CTDP1: variants seen among roughly 807,000 people sequenced by gnomAD.
The protein encoded by CTDP1 is CTD phosphatase 1.
In CTDP1, 47 loss-of-function variants were observed where a neutral mutation model predicts 91.8. The ratio of observed to expected loss-of-function variants is 0.51; its 90% CI spans 0.41 to 0.65. CTDP1 has a LOEUF of 0.65. Among genes scored for constraint, CTDP1 ranks in the 30% least tolerant of loss-of-function variants. CTDP1 has a pLI of 0.00. For missense variants in CTDP1, 1,272 were observed against 1,373.7 expected (o/e 0.93, Z 1.17); for synonymous variants, 656 against 598.5 (o/e 1.10, Z -1.40).
At chr18:79,742,208 G>GAGAGA (rs2086795597) in intron 12 of CTDP1, among the ~76,000 whole-genome samples, 2 of 147,326 alleles carry the variant, frequency 1.4e-5, no homozygotes, top group Non-Finnish European at 1.5e-5. Flanking sequence ...GAGAGAGAGA[G>GAGAGA]GCCTGGCACC....
At chr18:79,703,197 G>C (rs1284332654) in intron 4 of CTDP1, 1 of 152,170 alleles carries the variant, frequency 6.6e-6, no homozygotes, top group Non-Finnish European at 1.5e-5. Context: ...GACTAACTTA[G>C]AGCTAGAAAA....
intron 10 of CTDP1, among the ~76,000 whole-genome samples, chr18:79,727,559 C>CTT (rs2086476912): frequency 6.6e-6 from 1 of 152,216 alleles, no homozygotes; most frequent in Non-Finnish European, 1.5e-5. Flanking sequence ...GAAGAGTGGA[C>CTT]TTTGACAAGG....
At chr18:79,742,075 T>C (rs62099607) in intron 12 of CTDP1, among the ~76,000 whole-genome samples, 39,291 of 143,490 alleles carry the variant, frequency 0.27, 6,270 homozygotes, top group South Asian at 0.38. Flanking sequence ...TGAGGCGTCG[T>C]GGGAGAGAGG....
rs755749388 is a variant in CTDP1 at position 79,714,722 on chromosome 18, G to A, written c.1262G>A (p.Gly421Asp). 7 of 1,603,640 alleles carry A rather than the reference G, an allele frequency of 4.4e-6. No individual in the cohort carries two copies. In the East Asian group the frequency reaches 6.7e-5, roughly 15 times the overall value. Reference protein sequence around the residue: ...QAPTSSQELAGAPEPQGSCAQ... With the variant: ...QAPTSSQELADAPEPQGSCAQ... ...CCCACCAGCAGCCAAGAGCTGGCAG[G>A]CGCTCCTGAGCCCCAGGGATCCTGT... Residue 421 changes from glycine (G) to aspartate (D), a missense_variant, in exon 8 of 13, where the codon GGC becomes GAC. Physicochemically the swap from Gly to Asp is moderately conservative, Grantham distance 94. Transcript: ENST00000613122.
chr18:79,720,919 A>G (rs1339860582), intron 10 of CTDP1, among the ~76,000 whole-genome samples: 1 of 152,140 alleles, frequency 6.6e-6, no homozygotes, highest in African/African-American at 2.4e-5. Context: ...AGTTTTGATA[A>G]TCTGCTGAAT....
At chr18:79,705,373 C>T (rs962436795) in intron 5 of CTDP1, among the ~76,000 whole-genome samples, 9 of 152,126 alleles carry the variant, frequency 5.9e-5, no homozygotes, top group Non-Finnish European at 1.3e-4. Context: ...TGCCAGGCTA[C>T]GGTGCCCTCT....
chr18:79,685,756 C>G (rs1439926875), intron 1 of CTDP1, among the ~76,000 whole-genome samples: 1 of 152,166 alleles, frequency 6.6e-6, no homozygotes, highest in East Asian at 1.9e-4. Flanking sequence ...GTGCTTCAGT[C>G]AGTGCACGAA....
chr18:79,740,298 C>T (rs952908638), intron 12 of CTDP1, among the ~76,000 whole-genome samples: 30 of 152,176 alleles, frequency 2.0e-4, no homozygotes, highest in African/African-American at 7.2e-4. Context: ...TGCTGGGGGC[C>T]GTGTGTGCCC....
At chr18:79,727,187 A>G (rs2086466519) in intron 10 of CTDP1, among the ~76,000 whole-genome samples, 1 of 152,182 alleles carries the variant, frequency 6.6e-6, no homozygotes, top group South Asian at 2.1e-4. Context: ...TAGAGCAGTT[A>G]TCATAGGTTT....
intron 4 of CTDP1, among the ~76,000 whole-genome samples, chr18:79,698,954 A>G (rs2085801790): frequency 6.6e-6 from 1 of 152,152 alleles, no homozygotes; most frequent in African/African-American, 2.4e-5. Flanking sequence ...AAGTTTGGTT[A>G]AGTTTGGCCT....
At chr18:79,705,532 G>C (rs1282218292) in intron 5 of CTDP1, among the ~76,000 whole-genome samples, 3 of 152,076 alleles carry the variant, frequency 2.0e-5, no homozygotes, top group East Asian at 3.9e-4. Context: ...GCGACCGTCT[G>C]TTCCACGTGG....
In CTDP1 at chr18:79,715,351, A is replaced by G; in HGVS notation, c.1891A>G (p.Ser631Gly). The stretch of plus-strand genomic sequence containing the variant: ...CCGCAAGATCGTGCCGGAGCTCAAG[A>G]GCAAGGTGCTGGCAGACGTGGCCAT... ...DIRKIVPELKSKVLADVAIIF... is the reference protein window; with the variant it reads ...DIRKIVPELKGKVLADVAIIF... Residue 631 changes from serine to glycine, a missense_variant, in exon 8 of 13, where the codon AGC (serine) becomes GGC (glycine). Around this residue, in one of 3 missense-constraint regions of CTDP1, gnomAD observed 881 missense variants for 911.6 expected, o/e 0.97. Transcript: ENST00000613122. 6.2e-7 allele frequency: 1 copy of G among 1,609,308 alleles called. No homozygotes were observed. The highest frequency in any genetic ancestry group is 8.5e-7 in the Non-Finnish European group (1 of 1,177,822).
At chr18:79,726,870 G>GGA (rs2086456526) in intron 10 of CTDP1, among the ~76,000 whole-genome samples, 4 of 92,890 alleles carry the variant, frequency 4.3e-5, no homozygotes, top group Admixed American at 1.2e-4. Context: ...CTGCTGTGGG[G>GGA]GTGGGGTGAC....
chr18:79,739,174 A>G (rs936561600), intron 12 of CTDP1, among the ~76,000 whole-genome samples: 6 of 152,196 alleles, frequency 3.9e-5, no homozygotes, highest in African/African-American at 1.4e-4. Context: ...TTGTATGAAC[A>G]TAGGTGGTTT....
At chr18:79,677,148 A>G (rs1177143534), upstream of CTDP1, 2 of 152,288 alleles carry the variant, frequency 1.3e-5, no homozygotes, top group Non-Finnish European at 2.9e-5. Flanking sequence ...ATGCTGATAC[A>G]TATCAACAAC....
At chr18:79,691,430 TGCGACGG>T (rs1485169577) in intron 1 of CTDP1, among the ~76,000 whole-genome samples, 1 of 152,054 alleles carries the variant, frequency 6.6e-6, no homozygotes, top group Non-Finnish European at 1.5e-5. Flanking sequence ...AGTGTCAATG[TGCGACGG>T]GTCACACAGC....
intron 8 of CTDP1, among the ~76,000 whole-genome samples, chr18:79,717,178 C>T (rs147864004): frequency 7.2e-6 from 1 of 139,642 alleles, no homozygotes; most frequent in Non-Finnish European, 1.5e-5. Flanking sequence ...AGGTGAGGGC[C>T]CTGGGCCCTG....
chr18:79,701,999 T>C (rs1364009160), intron 4 of CTDP1, among the ~76,000 whole-genome samples: 5 of 152,256 alleles, frequency 3.3e-5, no homozygotes, highest in Non-Finnish European at 7.3e-5. Flanking sequence ...CTGGAGAAGA[T>C]GCTGCGAATG....
chr18:79,732,292 GGAGTGCTCCCAAAATCACTT>G (rs1181980377), intron 11 of CTDP1, among the ~76,000 whole-genome samples: 5 of 151,430 alleles, frequency 3.3e-5, no homozygotes, highest in Admixed American at 3.3e-4. Flanking sequence ...GCTAACATCA[GGAGTGCTCCCAAAATCACTT>G]GAGACATGAG....
Sources: gnomAD v4.1 joint callset for allele counts (sites outside exome capture counted in the v4.1 genomes callset) on GRCh38, gnomAD v4.1.1 for gene constraint, gnomAD v4.1.1 regional missense constraint, MANE v1.5 for transcripts, NCBI Gene and HGNC (gene_info 2026-07-23, HGNC 2026-07-21) for gene names.